BSCL2: variants seen among roughly 807,000 people sequenced by gnomAD.
BSCL2 encodes the protein seipin.
A neutral mutation model predicts 57.4 loss-of-function variants in BSCL2; 41 were observed. That is an observed-to-expected ratio of 0.71 (90% confidence interval 0.56 to 0.93). The LOEUF is 0.93. Among genes scored for constraint, BSCL2 ranks in the 40% least tolerant of loss-of-function variants. BSCL2 has a pLI of 0.00. For missense variants in BSCL2, 539 were observed against 586.7 expected, an observed-to-expected ratio of 0.92 and a Z score of 0.84; for synonymous variants, 237 against 227.3, an observed-to-expected ratio of 1.04 and a Z score of -0.38.
At chr11:62,707,083 C>G in intron 1 of BSCL2, 26 bp downstream of exon 1, 2 of 1,544,942 alleles carry the variant, frequency 1.3e-6, no homozygotes. Context: ...TATATTTCTG[C>G]TGACTGTCCC....
chr11:62,696,278 TTGTGTGTGTGTGTGTG>T (rs1197051764), intron 3 of BSCL2, among the ~76,000 whole-genome samples: 3 of 136,228 alleles, frequency 2.2e-5, no homozygotes, highest in African/African-American at 8.1e-5. Context: ...CATAAACTTT[TTGTGTGTGTGTGTGTG>T]TGTGTGTGTG....
chr11:62,696,274 C>CTT (rs754106502), intron 3 of BSCL2, among the ~76,000 whole-genome samples: 259 of 85,190 alleles, frequency 3.0e-3, no homozygotes, highest in South Asian at 0.012. Context: ...GCTTCATAAA[C>CTT]TTTTTGTGTG....
At chr11:62,705,955 CT>C (rs1590885889) in intron 1 of BSCL2, 3 of 276,330 alleles carry the variant, frequency 1.1e-5, no homozygotes, top group African/African-American at 6.6e-5. Context: ...CACGGTGATA[CT>C]GAATCCACAC....
At chr11:62,697,909 C>G (rs914808395) in intron 3 of BSCL2, among the ~76,000 whole-genome samples, 22 of 141,108 alleles carry the variant, frequency 1.6e-4, no homozygotes. Flanking sequence ...AATCCACATC[C>G]TTTTTTTTTT....
intron 3 of BSCL2, among the ~76,000 whole-genome samples, chr11:62,699,709 C>T (rs541538314): frequency 4.8e-4 from 64 of 133,804 alleles, no homozygotes; most frequent in Non-Finnish European, 8.3e-4. Context: ...GACTGAGTCT[C>T]GCTCTGTCAC....
Position 62,702,493 on chromosome 11 carries a change from G to A in BSCL2, c.461C>T (p.Ser154Leu), listed in dbSNP as rs137852973. Residue 154 changes from serine to leucine, a missense_variant, in exon 3 of 11, where the codon TCG becomes TTG. Physicochemically the swap from Ser to Leu is moderately radical, Grantham distance 145. This residue lies in a region of BSCL2 where 218 missense variants were observed against 224.8 expected (regional missense o/e 0.97). Transcript: ENST00000360796. The stretch of plus-strand genomic sequence containing the variant: ...CCGATCACGTCCACCCTTAGTCAGC[G>A]AGACATTGGCAACAGGGAAGGAGCA... ...SLCSFPVANV[S>L]LTKGGRDRVL... is the part of the protein sequence containing the mutation. The A allele has an allele frequency of 6.2e-7, 1 of 1,612,826 alleles. No individual in the cohort carries two copies. Among genetic ancestry groups the A allele is most frequent in the East Asian group, 2.2e-5 (1 of 44,866 alleles).
intron 3 of BSCL2, among the ~76,000 whole-genome samples, chr11:62,701,878 G>C (rs1374384828): frequency 6.6e-6 from 1 of 151,384 alleles, no homozygotes; most frequent in Non-Finnish European, 1.5e-5. Flanking sequence ...TGGTTGTATA[G>C]GTACCTGAAG....
rs750932585 is a variant in BSCL2, at chr11:62,691,024, A to G, written c.1072+51T>C. 42 of 1,606,470 alleles carry G rather than the reference A, an allele frequency of 2.6e-5. No homozygotes were observed. The East Asian group carries it at 4.0e-4, about 15-fold the overall frequency. ...ATGAAGCAGGGACTCCTTCTGGCCC[A>G]GCCCAGCTCAACCTAGCCCACCTCA... On this transcript the variant is annotated intron_variant, in intron 8 of 10. Coordinates refer to ENST00000360796, the MANE Select transcript of BSCL2 (RefSeq NM_001122955.4).
chr11:62,699,632 G>A (rs928850765), intron 3 of BSCL2, among the ~76,000 whole-genome samples: 5 of 151,460 alleles, frequency 3.3e-5, no homozygotes, highest in African/African-American at 1.2e-4. Flanking sequence ...CCTGAGCCCA[G>A]GAGTTTGAGA....
At chr11:62,691,227 CT>C in intron 7 of BSCL2, 52 bp downstream of exon 7, 2 of 1,614,152 alleles carry the variant, frequency 1.2e-6, no homozygotes, top group Admixed American at 1.7e-5. Flanking sequence ...CAACATACCC[CT>C]GACCACCCAC....
At chr11:62,692,213 G>A (rs2134694758) in intron 6 of BSCL2, among the ~76,000 whole-genome samples, 163 bp downstream of exon 6, 2 of 152,276 alleles carry the variant, frequency 1.3e-5, no homozygotes, top group Admixed American at 1.3e-4. Context: ...AAGTTCCCCA[G>A]GGAGCTGATA....
At chr11:62,708,384 G>A (rs763337071), upstream of BSCL2, 2 of 1,611,584 alleles carry the variant, frequency 1.2e-6, no homozygotes, top group South Asian at 2.2e-5. Context: ...GCCAGCTTGT[G>A]TCGGATAAAG....
At chr11:62,706,744 C>T (rs1330906041) in intron 1 of BSCL2, 1 of 515,036 alleles carries the variant, frequency 1.9e-6, no homozygotes, top group Admixed American at 2.3e-5. Context: ...GAGCATGTTG[C>T]AGTTTGCGGC....
At chr11:62,701,757 AGGAGG>A (rs1945646594) in intron 3 of BSCL2, among the ~76,000 whole-genome samples, 1 of 150,082 alleles carries the variant, frequency 6.7e-6, no homozygotes, top group African/African-American at 2.5e-5. Flanking sequence ...GCTTGAACCC[AGGAGG>A]TGGAGGTTGC....
intron 8 of BSCL2, 32 bp downstream of exon 8, chr11:62,691,043 C>T (rs758048150): frequency 6.2e-6 from 10 of 1,613,534 alleles, no homozygotes; most frequent in Non-Finnish European, 8.5e-6. Context: ...CAACCTAGCC[C>T]ACCTCAACAG....
rs1385597881 is a variant in BSCL2, at chr11:62,705,710, T to C, written c.88-93A>G. ...TGGACTGGCTTTGAGGAACGAGAGATAGCAGGATAGCAAAGTCATTGTTTC... is the reference window on the plus strand; with the variant it reads ...TGGACTGGCTTTGAGGAACGAGAGACAGCAGGATAGCAAAGTCATTGTTTC... On this transcript the variant is annotated intron_variant, in intron 1 of 10. Coordinates refer to ENST00000360796, the MANE Select transcript of BSCL2 (RefSeq NM_001122955.4). 20 of 1,197,988 alleles carry C rather than the reference T, an allele frequency of 1.7e-5. No individual in the cohort carries two copies. In the East Asian group the frequency reaches 3.3e-4, roughly 20 times the overall value. The allele number at this position is 1,197,988 out of a possible 1,614,324, so 74.2% of individuals were successfully genotyped here. A position where few individuals can be genotyped will look rare whatever the true frequency, so the allele number is the denominator to read the frequency against.
chr11:62,697,314 G>C (rs1945500036), intron 3 of BSCL2, among the ~76,000 whole-genome samples: 1 of 147,056 alleles, frequency 6.8e-6, no homozygotes, highest in African/African-American at 2.5e-5. Flanking sequence ...AGAATGGCGT[G>C]AACCCGGGAG....
intron 5 of BSCL2, 51 bp downstream of exon 5, chr11:62,692,612 G>C (rs754251691): frequency 1.2e-5 from 19 of 1,613,110 alleles, no homozygotes; most frequent in Middle Eastern, 1.6e-4. Context: ...AGAATCCTGG[G>C]CTAATGGGAG....
At position 62,692,420 on chromosome 11, in the gene BSCL2, C is replaced by A. The variant is rs539700774; in HGVS notation, c.819G>T (p.Leu273=). The A allele has an allele frequency of 1.2e-6, 2 of 1,614,180 alleles. No homozygotes were observed. Among genetic ancestry groups the A allele is most frequent in the Admixed American group, 1.7e-5 (1 of 60,014 alleles). ...CGTGGATGCGGAGGTAGGCTCCATA[C>A]AGCTGGATGCGCTTGCTGTGGATCT... The part of the protein sequence containing the change: ...IIEIHSKRIQ[L]YGAYLRIHAH... The change falls in exon 6 of 11, where the codon CTG becomes CTT. Residue 273 remains leucine (L), a synonymous_variant. Transcript: ENST00000360796.
Sources: allele counts gnomAD v4.1 joint callset (sites outside exome capture counted in the v4.1 genomes callset), GRCh38; gene constraint gnomAD v4.1.1; regional missense constraint gnomAD v4.1.1; transcripts MANE v1.5; gene names NCBI Gene and HGNC (gene_info 2026-07-23, HGNC 2026-07-21).